SPATA16: variants seen among roughly 807,000 people sequenced by gnomAD.
SPATA16 encodes spermatogenesis associated 16, also known as spermatogenesis-associated protein 16.
Under a neutral mutation model 63.3 loss-of-function variants are expected in SPATA16, and 36 were observed. The observed-to-expected ratio is 0.57, with a 90% confidence interval of 0.44 to 0.75. The LOEUF is 0.75. Ranked by LOEUF, SPATA16 falls within the 30% of genes least tolerant of loss-of-function variation. SPATA16 has a pLI of 0.00. For synonymous variants in SPATA16, 203 were observed against 216.7 expected (o/e 0.94, Z 0.56); for missense variants, 646 against 679.3 (o/e 0.95, Z 0.54).
chr3:172,930,235 C>T (rs1311269206), intron 6 of SPATA16, among the ~76,000 whole-genome samples: 7 of 152,226 alleles, frequency 4.6e-5, no homozygotes, highest in Non-Finnish European at 1.5e-5. Context: ...ACTGTCACAT[C>T]CTTCCTCAGG....
intron 6 of SPATA16, among the ~76,000 whole-genome samples, chr3:172,952,969 T>G (rs2108231864): frequency 6.7e-6 from 1 of 150,010 alleles, no homozygotes; most frequent in Non-Finnish European, 1.5e-5. Flanking sequence ...AAGAAAACAG[T>G]TTGGTAAACA....
chr3:173,051,358 A>G (rs1028374667), intron 2 of SPATA16, among the ~76,000 whole-genome samples: 1 of 152,018 alleles, frequency 6.6e-6, no homozygotes, highest in Admixed American at 6.5e-5. Context: ...AAGTGCCACC[A>G]CGCCCGGCTA....
intron 6 of SPATA16, among the ~76,000 whole-genome samples, chr3:172,936,737 T>G (rs1476375427): frequency 6.6e-6 from 1 of 152,184 alleles, no homozygotes; most frequent in Admixed American, 6.5e-5. Flanking sequence ...AGACAGAGCC[T>G]TGCTCTGTCG....
chr3:173,019,508 C>G lies in SPATA16; in HGVS notation c.826G>C (p.Glu276Gln). ...LRQATVFRCLERYSEAARSAM... is the reference protein window; with the variant it reads ...LRQATVFRCLQRYSEAARSAM... The stretch of plus-strand genomic sequence containing the variant: ...TACCGGGCAGCCTCTGAATACCTCT[C>G]CAGACATCTAAACACTGTTGCTTGA... Residue 276 changes from glutamate to glutamine, a missense_variant, in exon 4 of 11, where the codon GAG becomes CAG. Physicochemically the swap from Glu to Gln is conservative, Grantham distance 29. Transcript: ENST00000351008. 6.2e-7 allele frequency: 1 copy of G among 1,613,936 alleles called. No individual in the cohort carries two copies. Among genetic ancestry groups the G allele is most frequent in the South Asian group, 1.1e-5 (1 of 91,080 alleles).
At chr3:173,033,486 C>T (rs981457578) in intron 3 of SPATA16, among the ~76,000 whole-genome samples, 1 of 152,046 alleles carries the variant, frequency 6.6e-6, no homozygotes, top group African/African-American at 2.4e-5. Flanking sequence ...TATTATCTTT[C>T]CTTTGGAGTC....
At chr3:172,893,610 G>A (rs189219318) in intron 10 of SPATA16, among the ~76,000 whole-genome samples, 9 of 152,346 alleles carry the variant, frequency 5.9e-5, no homozygotes, top group Admixed American at 5.9e-4. Flanking sequence ...GTGAAGGGAA[G>A]AGCAATTAAG....
chr3:172,963,558 ATTAT>A (rs939839366), intron 5 of SPATA16, among the ~76,000 whole-genome samples: 20 of 152,088 alleles, frequency 1.3e-4, no homozygotes, highest in Non-Finnish European at 2.8e-4. Flanking sequence ...GTGTAAATAT[ATTAT>A]TTGAGCTACT....
chr3:172,935,200 C>T (rs1478398899), intron 6 of SPATA16, among the ~76,000 whole-genome samples: 5 of 152,102 alleles, frequency 3.3e-5, no homozygotes, highest in Admixed American at 2.0e-4. Context: ...CATGGTGGTA[C>T]GTGTCAATAG....
At chr3:172,993,074 T>C (rs1019457653) in intron 4 of SPATA16, among the ~76,000 whole-genome samples, 1 of 152,116 alleles carries the variant, frequency 6.6e-6, no homozygotes, top group Non-Finnish European at 1.5e-5. Flanking sequence ...CCCCCAGTGG[T>C]TGGGGCTTAT....
At chr3:172,990,626 A>G (rs1021996855) in intron 4 of SPATA16, among the ~76,000 whole-genome samples, 6 of 152,132 alleles carry the variant, frequency 3.9e-5, no homozygotes, top group African/African-American at 1.4e-4. Context: ...TGCTTCATGA[A>G]GGGCACTCTG....
intron 10 of SPATA16, among the ~76,000 whole-genome samples, chr3:172,906,858 C>T (rs1732250573): frequency 6.6e-6 from 1 of 152,200 alleles, no homozygotes; most frequent in Non-Finnish European, 1.5e-5. Context: ...TCTCCTGCCT[C>T]AGCCTCCCCA....
intron 10 of SPATA16, among the ~76,000 whole-genome samples, chr3:172,912,679 T>C (rs1401905439): frequency 6.6e-6 from 1 of 152,232 alleles, no homozygotes; most frequent in Non-Finnish European, 1.5e-5. Context: ...TTTTCTTTTT[T>C]CTAGCTTACA....
chr3:172,940,470 C>T (rs147229066), intron 6 of SPATA16, among the ~76,000 whole-genome samples: 13 of 152,094 alleles, frequency 8.5e-5, no homozygotes, highest in South Asian at 4.2e-4. Context: ...ATTAGCTTTC[C>T]GAAATCTTGA....
intron 6 of SPATA16, among the ~76,000 whole-genome samples, chr3:172,942,778 T>C (rs1270068493): frequency 6.6e-6 from 1 of 152,134 alleles, no homozygotes; most frequent in African/African-American, 2.4e-5. Context: ...CAGTTGACCA[T>C]ATATTAGGGC....
At chr3:173,034,592 A>G (rs1218814073) in intron 3 of SPATA16, among the ~76,000 whole-genome samples, 2 of 152,130 alleles carry the variant, frequency 1.3e-5, no homozygotes, top group Non-Finnish European at 2.9e-5. Context: ...GCTTTATGAC[A>G]TTGTAGGACT....
Position 172,991,695 on chromosome 3 carries a change from C to G in SPATA16, c.849-14643G>C, listed in dbSNP as rs576454928. Among the ~76,000 whole-genome samples the G allele has an allele frequency of 8.5e-5, 13 of 152,234 alleles. No homozygotes were observed. In the South Asian group the frequency reaches 2.3e-3, roughly 27 times the overall value. On this transcript the variant is annotated intron_variant, in intron 4 of 10. Coordinates refer to ENST00000351008, the MANE Select transcript of SPATA16 (RefSeq NM_031955.6). ...TTAATAAACACTTAGATGCATTTCA[C>G]TGCTTCACAGATTATGCAACACACA...
At chr3:173,088,227 G>A (rs1560119078) in intron 2 of SPATA16, among the ~76,000 whole-genome samples, 1 of 151,330 alleles carries the variant, frequency 6.6e-6, no homozygotes, top group Non-Finnish European at 1.5e-5. Flanking sequence ...TGGTACTACA[G>A]GTGTGCACTA....
chr3:173,117,101 A>G lies in SPATA16; in HGVS notation c.612+19T>C, dbSNP rs377337400. ...TCATAGTTTCCTGTCACCAATCTAT[A>G]TTTTCTTTAATCCCATACCTCAAGT... On this transcript the variant is annotated intron_variant, in intron 2 of 10. Coordinates refer to ENST00000351008, the MANE Select transcript of SPATA16 (RefSeq NM_031955.6). 6 of 1,611,852 alleles carry G rather than the reference A, an allele frequency of 3.7e-6. No homozygotes were observed. Among genetic ancestry groups the G allele is most frequent in the Non-Finnish European group, 5.1e-6 (6 of 1,178,302 alleles).
intron 2 of SPATA16, among the ~76,000 whole-genome samples, chr3:173,052,937 A>C (rs1736136999): frequency 1.3e-5 from 2 of 149,158 alleles, no homozygotes; most frequent in South Asian, 4.4e-4. Context: ...TTTTTATTTC[A>C]AAAGAAACCC....
Sources: gnomAD v4.1 joint callset for allele counts (sites outside exome capture counted in the v4.1 genomes callset) on GRCh38, gnomAD v4.1.1 for gene constraint, MANE v1.5 for transcripts, NCBI Gene and HGNC (gene_info 2026-07-23, HGNC 2026-07-21) for gene names.